ATP11B: variants seen among roughly 807,000 people sequenced by gnomAD.
ATP11B encodes phospholipid-transporting ATPase IF.
In ATP11B, 81 loss-of-function variants were observed where a neutral mutation model predicts 157.8. The ratio of observed to expected loss-of-function variants is 0.51; its 90% CI spans 0.43 to 0.62. ATP11B has a LOEUF of 0.62. ATP11B is among the 20% of genes least tolerant of loss of function. ATP11B has a pLI of 0.00. For missense variants in ATP11B, 1,165 were observed against 1,402.2 expected (o/e 0.83, Z 2.70); for synonymous variants, 451 against 469.4 (o/e 0.96, Z 0.51).
chr3:182,846,079 T>A (rs1339371834), intron 9 of ATP11B, among the ~76,000 whole-genome samples: 2 of 152,242 alleles, frequency 1.3e-5, no homozygotes, highest in East Asian at 3.8e-4. Context: ...CAGTACACTC[T>A]GAGTCAACTA....
At chr3:182,830,209 G>C (rs1245516221) in intron 4 of ATP11B, among the ~76,000 whole-genome samples, 1 of 151,980 alleles carries the variant, frequency 6.6e-6, no homozygotes, top group Non-Finnish European at 1.5e-5. Context: ...TGTGGTCCCA[G>C]CTACTTGGTG....
intron 1 of ATP11B, among the ~76,000 whole-genome samples, chr3:182,803,552 T>C (rs1294475125): frequency 1.3e-5 from 2 of 152,236 alleles, no homozygotes. Context: ...TTATTACATA[T>C]TTGACAATTC....
chr3:182,900,254 A>G (rs1383183369), intron 28 of ATP11B, among the ~76,000 whole-genome samples: 2 of 152,208 alleles, frequency 1.3e-5, no homozygotes, highest in African/African-American at 4.8e-5. Flanking sequence ...AACAGTTCAT[A>G]TCTGTGTCCT....
At chr3:182,829,857 GA>G (rs1717995324) in intron 4 of ATP11B, 105 bp downstream of exon 4, 4 of 1,412,288 alleles carry the variant, frequency 2.8e-6, no homozygotes, top group Non-Finnish European at 3.7e-6. Flanking sequence ...ATTTCCATAA[GA>G]AAGCAGCAAA....
At chr3:182,862,818 G>GT (rs61125208) in intron 12 of ATP11B, among the ~76,000 whole-genome samples, 8,529 of 142,670 alleles carry the variant, frequency 0.06, 762 homozygotes, top group African/African-American at 0.2. Context: ...TTCTTTTTCT[G>GT]TTTTTTTTTT....
chr3:182,808,850 G>A (rs1387477538), intron 1 of ATP11B, among the ~76,000 whole-genome samples: 1 of 152,062 alleles, frequency 6.6e-6, no homozygotes, highest in Admixed American at 6.6e-5. Context: ...ACATTACTGT[G>A]CAGCGTTTGT....
chr3:182,827,124 G>A (rs1717778481), intron 2 of ATP11B, among the ~76,000 whole-genome samples: 1 of 152,142 alleles, frequency 6.6e-6, no homozygotes, highest in East Asian at 1.9e-4. Flanking sequence ...TGGCCTCAGG[G>A]ATCTTATATT....
At chr3:182,904,191 C>G (rs1281408857) in intron 28 of ATP11B, among the ~76,000 whole-genome samples, 2 of 152,156 alleles carry the variant, frequency 1.3e-5, no homozygotes, top group Non-Finnish European at 2.9e-5. Context: ...TGGGTCCTAA[C>G]CAAGTCACTT....
chr3:182,823,167 T>C (rs2108500734), intron 2 of ATP11B, among the ~76,000 whole-genome samples: 1 of 152,350 alleles, frequency 6.6e-6, no homozygotes, highest in South Asian at 2.1e-4. Context: ...GCTTTTGGTG[T>C]TTTAGACATG....
Position 182,879,614 on chromosome 3 carries a change from T to C in ATP11B, c.2371T>C (p.Leu791=). The change falls in exon 20 of 30, where the codon TTA becomes CTA. Residue 791 remains leucine, a synonymous_variant. Coordinates refer to ENST00000323116, the MANE Select transcript of ATP11B (RefSeq NM_014616.3). Reference sequence around the variant, plus strand: ...AGTTTGCAGAAATTGTTCAGCTGTATTATGCTGTCGTATGGCTCCACTGCA... The same window carrying C: ...AGTTTGCAGAAATTGTTCAGCTGTACTATGCTGTCGTATGGCTCCACTGCA... ...MEVCRNCSAV[L]CCRMAPLQKA... 6.2e-7 allele frequency: 1 copy of C among 1,613,956 alleles called. No homozygotes were observed.
At chr3:182,869,961 A>G (rs1721527977) in intron 17 of ATP11B, among the ~76,000 whole-genome samples, 2 of 152,250 alleles carry the variant, frequency 1.3e-5, no homozygotes, top group Admixed American at 1.3e-4. Context: ...TACAACATGG[A>G]CGAATCTTGA....
At chr3:182,794,836 C>T (rs1409883567) in intron 1 of ATP11B, among the ~76,000 whole-genome samples, 1 of 152,198 alleles carries the variant, frequency 6.6e-6, no homozygotes, top group East Asian at 1.9e-4. Context: ...CTTAATGCTT[C>T]TACAAGTTGG....
rs542360963 is a variant in ATP11B, at chr3:182,822,701, C to T, written c.144+2325C>T. ...GCTTGAGGAATCACCACACTGTCTT[C>T]CACAATCGTTGAACTAGTTTACAGT... On this transcript the variant is annotated intron_variant, in intron 2 of 29. Transcript: ENST00000323116. Among the ~76,000 whole-genome samples the T allele has an allele frequency of 3.3e-5, 5 of 152,350 alleles. No individual in the cohort carries two copies. In the East Asian group the frequency reaches 9.6e-4, roughly 29 times the overall value.
At chr3:182,826,796 A>G (rs1364216740) in intron 2 of ATP11B, among the ~76,000 whole-genome samples, 1 of 152,120 alleles carries the variant, frequency 6.6e-6, no homozygotes, top group African/African-American at 2.4e-5. Flanking sequence ...AACTCTGTTT[A>G]TAAGGTTGTT....
intron 1 of ATP11B, among the ~76,000 whole-genome samples, chr3:182,808,091 G>C (rs900207891): frequency 6.6e-6 from 1 of 152,212 alleles, no homozygotes; most frequent in African/African-American, 2.4e-5. Flanking sequence ...GCACAATATA[G>C]TAAGTCCAAG....
At chr3:182,879,364 C>A in intron 19 of ATP11B, 132 bp from the exon 20 acceptor site, 1 of 713,694 alleles carries the variant, frequency 1.4e-6, no homozygotes, top group Non-Finnish European at 2.1e-6. Flanking sequence ...TGTTTCCTGA[C>A]ATAACAGTCT....
chr3:182,828,232 A>T, intron 3 of ATP11B, 23 bp downstream of exon 3: 1 of 1,059,062 alleles, frequency 9.4e-7, no homozygotes, highest in Non-Finnish European at 1.4e-6. Context: ...ACTCAATCTT[A>T]AGTTTGTAAA....
intron 2 of ATP11B, among the ~76,000 whole-genome samples, chr3:182,827,030 A>G (rs1043811553): frequency 7.9e-5 from 12 of 152,310 alleles, no homozygotes; most frequent in Middle Eastern, 3.4e-3. Context: ...TCATTAATCT[A>G]TTCTGCAAAA....
At chr3:182,901,287 T>TG (rs1484242649) in intron 28 of ATP11B, among the ~76,000 whole-genome samples, 1 of 140,078 alleles carries the variant, frequency 7.1e-6, no homozygotes, top group Non-Finnish European at 1.5e-5. Flanking sequence ...CGCTTGAATC[T>TG]GGGGGGCAGA....
Sources: allele counts gnomAD v4.1 joint callset (sites outside exome capture counted in the v4.1 genomes callset), GRCh38; gene constraint gnomAD v4.1.1; transcripts MANE v1.5; gene names NCBI Gene and HGNC (gene_info 2026-07-23, HGNC 2026-07-21).